MXI1: variants seen among roughly 807,000 people sequenced by gnomAD.
MXI1 encodes MAX interactor 1, dimerization protein.
Under a neutral mutation model 36.9 loss-of-function variants are expected in MXI1, and 18 were observed. The observed-to-expected ratio is 0.49, with a 90% CI of 0.34 to 0.72. The LOEUF is 0.72. Ranked by LOEUF, MXI1 falls within the 30% of genes least tolerant of loss-of-function variation. The pLI is 0.01. For synonymous variants in MXI1, 160 were observed against 146.7 expected (o/e 1.09, Z -0.65); for missense variants, 304 against 379.1 (o/e 0.80, Z 1.64).
intron 1 of MXI1, chr10:110,227,525 G>T (rs1393189193): frequency 2.3e-5 from 23 of 985,082 alleles, no homozygotes; most frequent in Non-Finnish European, 2.6e-5. Context: ...AGCTTGGAGG[G>T]CCCCGGAGCG....
intron 1 of MXI1, among the ~76,000 whole-genome samples, chr10:110,218,632 G>A (rs1231442590): frequency 1.3e-5 from 2 of 152,074 alleles, no homozygotes; most frequent in South Asian, 2.1e-4. Flanking sequence ...TTCTCTAGAC[G>A]GAGATGGTCT....
intron 1 of MXI1, among the ~76,000 whole-genome samples, chr10:110,215,031 G>GTTTTTTTT (rs1310002307): frequency 0.015 from 1,422 of 97,880 alleles, 126 homozygotes; most frequent in East Asian, 0.056. Context: ...CTCCACTTCA[G>GTTTTTTTT]TTTTTTTTTT....
At chr10:110,216,663 A>ATGTTTT (rs1564704528) in intron 1 of MXI1, among the ~76,000 whole-genome samples, 1 of 39,446 alleles carries the variant, frequency 2.5e-5, no homozygotes, top group East Asian at 9.5e-4. Context: ...TCTGTGTTTA[A>ATGTTTT]TGTTTTTTTT....
intron 3 of MXI1, among the ~76,000 whole-genome samples, chr10:110,274,755 A>T (rs969305818): frequency 1.3e-4 from 20 of 152,034 alleles, no homozygotes; most frequent in Admixed American, 1.0e-3. Context: ...CTTTTACTAG[A>T]GGTGCAGGAC....
At position 110,279,320 on chromosome 10, in the gene MXI1, C is replaced by T; in HGVS notation, c.552+26C>T. The T allele has an allele frequency of 1.9e-6, 3 of 1,573,240 alleles. No individual in the cohort carries two copies. In the African/African-American group the frequency reaches 4.0e-5, roughly 21 times the overall value. ...GTGAGAATTTTTACTTTCAGATTTG[C>T]ACAATTCCCTCAGTTCTGGTTTAAT... On this transcript the variant is annotated intron_variant, in intron 4 of 5. Coordinates refer to ENST00000332674, the MANE Select transcript of MXI1 (RefSeq NM_130439.3).
In MXI1 at chr10:110,286,492, T is replaced by TA. The variant is rs369063917; in HGVS notation, c.*1519dup. ...AATAATTTAACTACCCTTAATTACT[T>TA]AAAAAAAAAAAAAAGCTTTATGATT... On this transcript the variant is annotated 3_prime_UTR_variant, in exon 6 of 6. Coordinates refer to ENST00000332674, the MANE Select transcript of MXI1 (RefSeq NM_130439.3). The TA allele has an allele frequency of 0.38, 55,293 of 145,898 alleles. 13,922 individuals carry two copies. Among genetic ancestry groups the TA allele is most frequent in the African/African-American group, 0.74 (29,099 of 39,524 alleles). 9.0% of individuals were successfully genotyped at this position (145,898 alleles called of 1,614,324 possible). A position where few individuals can be genotyped will look rare whatever the true frequency, so the allele number is the denominator to read the frequency against.
intron 1 of MXI1, among the ~76,000 whole-genome samples, chr10:110,215,343 G>T (rs764793773): frequency 2.9e-4 from 44 of 152,124 alleles, no homozygotes; most frequent in Middle Eastern, 6.8e-3. Context: ...CTGGGTCCAG[G>T]TTTTGTTTTT....
chr10:110,226,048 T>TGGGGCGGCA (rs553212125), intron 1 of MXI1: 73,233 of 985,494 alleles, frequency 0.074, 3,458 homozygotes, highest in East Asian at 0.28. Context: ...CTGGCGCGGC[T>TGGGGCGGCA]GGGGCGGCAG....
chr10:110,282,911 C>T (rs1217695866), intron 5 of MXI1, among the ~76,000 whole-genome samples: 1 of 152,126 alleles, frequency 6.6e-6, no homozygotes, highest in Non-Finnish European at 1.5e-5. Flanking sequence ...CTCCTGGGCT[C>T]AAGCAATCCT....
At chr10:110,263,177 A>C (rs1042358658) in intron 3 of MXI1, among the ~76,000 whole-genome samples, 1 of 152,218 alleles carries the variant, frequency 6.6e-6, no homozygotes, top group African/African-American at 2.4e-5. Context: ...GGCCAAGTCA[A>C]ATAAATAGCT....
At chr10:110,225,722 A>AG (rs757936051) in intron 1 of MXI1, among the ~76,000 whole-genome samples, 15 of 152,086 alleles carry the variant, frequency 9.9e-5, no homozygotes, top group Non-Finnish European at 1.8e-4. Flanking sequence ...TCGTGTCTGG[A>AG]GGGAGGAAAA....
intron 2 of MXI1, among the ~76,000 whole-genome samples, chr10:110,230,787 G>T (rs774575149): frequency 2.0e-5 from 3 of 152,136 alleles, no homozygotes; most frequent in African/African-American, 4.8e-5. Context: ...ATTTTATTAT[G>T]CTGGTTACAT....
chr10:110,215,883 AGAGG>A (rs1327509254), intron 1 of MXI1, among the ~76,000 whole-genome samples: 2 of 151,982 alleles, frequency 1.3e-5, no homozygotes, highest in Non-Finnish European at 2.9e-5. Context: ...GAAAAAAAAG[AGAGG>A]GAGGGAGGAT....
At chr10:110,209,510 G>GT (rs1854454212) in intron 1 of MXI1, among the ~76,000 whole-genome samples, 2 of 152,236 alleles carry the variant, frequency 1.3e-5, no homozygotes, top group Admixed American at 6.5e-5. Context: ...TGCAGACGCT[G>GT]TAAGGCCAAA....
chr10:110,271,151 T>G lies in MXI1; in HGVS notation c.438-8029T>G, dbSNP rs111529731. 5.6e-3 allele frequency among the ~76,000 whole-genome samples: 852 copies of G among 152,180 alleles called. 6 individuals are homozygous for G. The highest frequency in any genetic ancestry group is 0.014 in the South Asian group (68 of 4,824). On this transcript the variant is annotated intron_variant, in intron 3 of 5. Coordinates refer to ENST00000332674, the MANE Select transcript of MXI1 (RefSeq NM_130439.3). ...TTAGGTTGGAGACTGTTGGTTACTC[T>G]ACATGTAGACATCTTTGGTGGTATG...
chr10:110,235,317 T>C lies in MXI1; in HGVS notation c.407+6996T>C, dbSNP rs181997639. On this transcript the variant is annotated intron_variant, in intron 2 of 5. Coordinates refer to ENST00000332674, the MANE Select transcript of MXI1 (RefSeq NM_130439.3). The stretch of plus-strand genomic sequence containing the variant: ...ATTATTAATCACCTACAGAAAAACA[T>C]TGATATTTTACTCTCATCTCTGAGT... Among the ~76,000 whole-genome samples the C allele has an allele frequency of 3.3e-5, 5 of 152,174 alleles. No homozygotes were observed. In the South Asian group the frequency reaches 8.3e-4, roughly 25 times the overall value.
chr10:110,264,572 G>T (rs907466901), intron 3 of MXI1, among the ~76,000 whole-genome samples: 7 of 151,772 alleles, frequency 4.6e-5, no homozygotes, highest in Non-Finnish European at 1.0e-4. Flanking sequence ...CACCATGTTG[G>T]CCAGGCTGGT....
At chr10:110,266,035 A>G (rs1856667225) in intron 3 of MXI1, among the ~76,000 whole-genome samples, 2 of 152,158 alleles carry the variant, frequency 1.3e-5, no homozygotes, top group South Asian at 4.1e-4. Flanking sequence ...AATGTGATAC[A>G]ACCTTCTTAC....
chr10:110,261,513 C>T (rs980253908), intron 3 of MXI1, among the ~76,000 whole-genome samples: 2 of 151,008 alleles, frequency 1.3e-5, no homozygotes, highest in Admixed American at 6.6e-5. Context: ...TTGTGGTTTA[C>T]AGACAGGACC....
Sources: gnomAD v4.1 joint callset for allele counts (sites outside exome capture counted in the v4.1 genomes callset) on GRCh38, gnomAD v4.1.1 for gene constraint, MANE v1.5 for transcripts, NCBI Gene and HGNC (gene_info 2026-07-23, HGNC 2026-07-21) for gene names.